MAP4: variants seen among roughly 807,000 people sequenced by gnomAD.
MAP4 encodes the protein microtubule-associated protein 4.
In MAP4, 76 loss-of-function variants were observed where a neutral mutation model predicts 170.2. The observed-to-expected ratio is 0.45, with a 90% CI of 0.37 to 0.54. MAP4 has a LOEUF of 0.54. MAP4 is among the 20% of genes least tolerant of loss of function. The pLI is 0.00. For synonymous variants in MAP4, 909 were observed against 994.5 expected (o/e 0.91, Z 1.62); for missense variants, 2,506 against 2,748.0 (o/e 0.91, Z 1.97).
chr3:48,056,411 G>A (rs1277108555), intron 1 of MAP4, among the ~76,000 whole-genome samples: 1 of 91,058 alleles, frequency 1.1e-5, no homozygotes, highest in Non-Finnish European at 2.3e-5. Flanking sequence ...CCCCCCACCC[G>A]GCCAGCCGCC....
chr3:48,049,948 T>A (rs968205594), intron 1 of MAP4, among the ~76,000 whole-genome samples: 1 of 147,960 alleles, frequency 6.8e-6, no homozygotes, highest in African/African-American at 2.5e-5. Context: ...GGAAAAAAAA[T>A]AAATTAATTA....
intron 3 of MAP4, among the ~76,000 whole-genome samples, chr3:47,938,495 T>C (rs1161784100): frequency 6.6e-6 from 1 of 152,174 alleles, no homozygotes; most frequent in Non-Finnish European, 1.5e-5. Flanking sequence ...CCTCTCAGCT[T>C]CTCCAGTAGC....
chr3:47,947,107 A>T (rs1454709137), intron 3 of MAP4, among the ~76,000 whole-genome samples: 1 of 152,242 alleles, frequency 6.6e-6, no homozygotes, highest in Non-Finnish European at 1.5e-5. Context: ...TTATTTAAGG[A>T]TATTTAATAT....
At chr3:48,033,338 T>C (rs2100117134) in intron 1 of MAP4, among the ~76,000 whole-genome samples, 1 of 152,230 alleles carries the variant, frequency 6.6e-6, no homozygotes. Flanking sequence ...CCTCCTCATG[T>C]GGATTTTTAT....
At chr3:47,891,146 G>C (rs1229409306) in intron 10 of MAP4, 1 of 1,536,166 alleles carries the variant, frequency 6.5e-7, no homozygotes, top group Non-Finnish European at 8.7e-7. Flanking sequence ...GCAAACCTGC[G>C]AGCATGAATC....
chr3:47,997,811 C>T (rs1489151012), intron 2 of MAP4, among the ~76,000 whole-genome samples: 2 of 151,986 alleles, frequency 1.3e-5, no homozygotes, highest in Middle Eastern at 3.2e-3. Flanking sequence ...AGCATATCTC[C>T]ATTAATCTGC....
At chr3:48,056,694 G>A (rs1392760081) in intron 1 of MAP4, among the ~76,000 whole-genome samples, 65 of 103,248 alleles carry the variant, frequency 6.3e-4, no homozygotes, top group South Asian at 2.2e-3. Flanking sequence ...CCGGCCAGCC[G>A]CCCCGTCTGG....
intron 1 of MAP4, among the ~76,000 whole-genome samples, chr3:48,010,046 G>C (rs2100104431): frequency 6.6e-6 from 1 of 152,174 alleles, no homozygotes. Context: ...GAGTATGCAT[G>C]GAATACATGA....
chr3:48,084,575 CTTT>C (rs746461438), intron 1 of MAP4, among the ~76,000 whole-genome samples: 1 of 140,956 alleles, frequency 7.1e-6, no homozygotes, highest in Non-Finnish European at 1.6e-5. Context: ...TTTATTACCC[CTTT>C]TTTTTTTTTT....
chr3:48,065,925 C>T (rs893962690), intron 1 of MAP4, among the ~76,000 whole-genome samples: 2 of 151,892 alleles, frequency 1.3e-5, no homozygotes, highest in African/African-American at 4.8e-5. Context: ...TTGAGACAAG[C>T]ATGGGCAACA....
In MAP4 at chr3:47,869,307, T is replaced by C; in HGVS notation, c.6315A>G (p.Thr2105=). The stretch of plus-strand genomic sequence containing the variant: ...GCTTTCGGGTTGTAGCAGCTGCCTC[T>C]GTTTTTTTCTCTACTTTGGCCTGGA... ...GGGRAKVEKK[T]EAAATTRKPE... The change falls in exon 16 of 21, where the codon ACA becomes ACG. Residue 2105 remains threonine, a synonymous_variant. Coordinates refer to ENST00000683076, the MANE Select transcript of MAP4 (RefSeq NM_001385682.1). The C allele has an allele frequency of 6.2e-7, 1 of 1,613,762 alleles. No homozygotes were observed. Among genetic ancestry groups the C allele is most frequent in the Non-Finnish European group, 8.5e-7 (1 of 1,179,650 alleles).
chr3:47,889,729 T>G (rs2098246040), intron 10 of MAP4, among the ~76,000 whole-genome samples: 3 of 152,112 alleles, frequency 2.0e-5, no homozygotes, highest in Non-Finnish European at 4.4e-5. Context: ...ACAAAGCACC[T>G]GGGGATCAAG....
rs1431482204 is a variant in MAP4, at chr3:47,851,225, C to T, written c.*1709G>A. ...ACGGAGGAAAGCTGGTCCCCCTGGC[C>T]CAGGCAGCACTTCCTCCGTGAGCCC... On this transcript the variant is annotated 3_prime_UTR_variant, in exon 21 of 21. Coordinates refer to ENST00000683076, the MANE Select transcript of MAP4 (RefSeq NM_001385682.1). 1 of 152,266 alleles carries T rather than the reference C, an allele frequency of 6.6e-6. No individual in the cohort carries two copies. The highest frequency in any genetic ancestry group is 1.9e-4 in the East Asian group (1 of 5,206). The allele number at this position is 152,266 out of a possible 1,614,324, so 9.4% of individuals were successfully genotyped here. A position where few individuals can be genotyped will look rare whatever the true frequency, so the allele number is the denominator to read the frequency against.
chr3:47,956,080 T>G, intron 3 of MAP4, among the ~76,000 whole-genome samples: 1 of 152,204 alleles, frequency 6.6e-6, no homozygotes, highest in East Asian at 1.9e-4. Context: ...TGCAACCACG[T>G]GTCCTGAGCT....
intron 17 of MAP4, among the ~76,000 whole-genome samples, chr3:47,865,226 A>C (rs2077284251): frequency 6.6e-6 from 1 of 152,198 alleles, no homozygotes; most frequent in Non-Finnish European, 1.5e-5. Context: ...CAGAGCTCTT[A>C]TATGCACCAC....
rs565439954 is a variant in MAP4 at position 47,887,470 on chromosome 3, G to A, written c.5435-9947C>T. ...GGGCAGGGCTCGGGACCTGCAGCCC[G>A]CCATGCCTCAGCCTCCCACCCCTCC... is the stretch of plus-strand genomic sequence containing the variant. On this transcript the variant is annotated intron_variant, in intron 10 of 20. Coordinates refer to ENST00000683076, the MANE Select transcript of MAP4 (RefSeq NM_001385682.1). Among the ~76,000 whole-genome samples, 41 of 152,308 alleles carry A rather than the reference G, an allele frequency of 2.7e-4. 1 individual carries two copies. The highest frequency in any genetic ancestry group is 8.9e-4 in the African/African-American group (37 of 41,562).
chr3:48,016,591 A>AT (rs762644472), upstream of MAP4, among the ~76,000 whole-genome samples: 2 of 152,326 alleles, frequency 1.3e-5, no homozygotes, highest in Non-Finnish European at 2.9e-5. Flanking sequence ...TGAATCTTCC[A>AT]TTTTATCTAA....
intron 19 of MAP4, chr3:47,854,992 T>G: frequency 2.1e-6 from 1 of 472,172 alleles, no homozygotes. Context: ...TGGGCTCAAT[T>G]AGGAAGGCCA....
At chr3:47,870,764 G>A (rs2090209698) in intron 15 of MAP4, 49 bp downstream of exon 15, 1 of 1,494,170 alleles carries the variant, frequency 6.7e-7, no homozygotes, top group Non-Finnish European at 9.0e-7. Context: ...GAAATGGAGG[G>A]GAAGATGCAG....
Sources: gnomAD v4.1 joint callset for allele counts (sites outside exome capture counted in the v4.1 genomes callset) on GRCh38, gnomAD v4.1.1 for gene constraint, MANE v1.5 for transcripts, NCBI Gene and HGNC (gene_info 2026-07-23, HGNC 2026-07-21) for gene names.